The following SEL1L variants were observed in gnomAD, a reference collection of about 807,000 sequenced individuals.
SEL1L encodes SEL1L adaptor subunit of SYVN1 ubiquitin ligase.
SEL1L carries 52 observed loss-of-function variants against 109.8 expected under a neutral mutation model. The observed-to-expected ratio is 0.47, with a 90% CI of 0.38 to 0.60. SEL1L has a LOEUF of 0.60. SEL1L is among the 20% of genes least tolerant of loss of function. SEL1L has a pLI of 0.00. For synonymous variants in SEL1L, 373 were observed against 339.6 expected, an observed-to-expected ratio of 1.10 and a Z score of -1.08; for missense variants, 749 against 962.2, an observed-to-expected ratio of 0.78 and a Z score of 2.93.
At chr14:81,517,628 T>C (rs939074799) in intron 3 of SEL1L, among the ~76,000 whole-genome samples, 2 of 152,034 alleles carry the variant, frequency 1.3e-5, no homozygotes, top group African/African-American at 4.8e-5. Flanking sequence ...CTGAGTAAAC[T>C]GCAGTAGGGA....
rs367614165 is a variant in SEL1L at position 81,480,307 on chromosome 14, A to G, written c.2047-567T>C. ...AGGGTTCACGCCATTCTCCTGCCTC[A>G]GCTTCCCGAGTAGCTGGGACTACAG... On this transcript the variant is annotated intron_variant, in intron 19 of 20. Coordinates refer to ENST00000336735, the MANE Select transcript of SEL1L (RefSeq NM_005065.6). 4.0e-4 allele frequency among the ~76,000 whole-genome samples: 61 copies of G among 152,112 alleles called. 1 individual carries two copies. In the East Asian group the frequency reaches 7.2e-3, roughly 18 times the overall value.
intron 11 of SEL1L, among the ~76,000 whole-genome samples, chr14:81,494,664 T>C (rs1883671693): frequency 6.6e-6 from 1 of 152,212 alleles, no homozygotes; most frequent in East Asian, 1.9e-4. Context: ...AGGGTCAACT[T>C]AAATGTTTTC....
chr14:81,476,833 A>G lies in SEL1L; in HGVS notation c.*139T>C. Reference sequence around the variant, plus strand: ...AAAATAAAGGCATCAGATTCTAAGCAGCTTTAGGAATTCAATGCTTCCTTG... The same window carrying G: ...AAAATAAAGGCATCAGATTCTAAGCGGCTTTAGGAATTCAATGCTTCCTTG... On this transcript the variant is annotated 3_prime_UTR_variant, in exon 21 of 21. Transcript: ENST00000336735. 1.3e-6 allele frequency: 1 copy of G among 742,446 alleles called. No homozygotes were observed. The highest frequency in any genetic ancestry group is 2.1e-6 in the Non-Finnish European group (1 of 468,550). 46.0% of individuals were successfully genotyped at this position (742,446 alleles called of 1,614,324 possible).
chr14:81,485,163 G>A (rs906987364), intron 18 of SEL1L, among the ~76,000 whole-genome samples: 1 of 152,232 alleles, frequency 6.6e-6, no homozygotes, highest in African/African-American at 2.4e-5. Context: ...TGATGGAAAT[G>A]TGTAGTACAA....
At chr14:81,523,754 A>G (rs1486793910) in intron 3 of SEL1L, among the ~76,000 whole-genome samples, 1 of 152,186 alleles carries the variant, frequency 6.6e-6, no homozygotes, top group Non-Finnish European at 1.5e-5. Context: ...ATTGAATTAA[A>G]TCAGCAGACA....
chr14:81,516,082 C>T (rs916379214), intron 3 of SEL1L, among the ~76,000 whole-genome samples: 1 of 152,166 alleles, frequency 6.6e-6, no homozygotes, highest in African/African-American at 2.4e-5. Context: ...TCCACTATGC[C>T]GAGGCAATCA....
At chr14:81,504,431 A>G (rs925331781) in intron 4 of SEL1L, 125 bp from the exon 5 acceptor site, 1 of 572,452 alleles carries the variant, frequency 1.7e-6, no homozygotes, top group Non-Finnish European at 2.8e-6. Context: ...CCCAAACATG[A>G]TTCTAAAAAC....
chr14:81,502,964 C>T, intron 5 of SEL1L, 81 bp from the exon 6 acceptor site: 2 of 1,114,994 alleles, frequency 1.8e-6, no homozygotes, highest in South Asian at 3.4e-5. Context: ...TAAAACGCAA[C>T]ATAAATAATT....
intron 15 of SEL1L, 71 bp from the exon 16 acceptor site, chr14:81,487,609 T>G: frequency 6.5e-7 from 1 of 1,549,362 alleles, no homozygotes; most frequent in South Asian, 1.2e-5. Flanking sequence ...AAGGCTTATA[T>G]ATGAAGAATA....
At chr14:81,478,293 GTTC>G (rs1903232881) in intron 20 of SEL1L, among the ~76,000 whole-genome samples, 1 of 152,046 alleles carries the variant, frequency 6.6e-6, no homozygotes, top group Non-Finnish European at 1.5e-5. Context: ...GGAGATTTGT[GTTC>G]TTCTGTACTG....
intron 14 of SEL1L, chr14:81,488,996 A>G (rs556604132): frequency 1.2e-5 from 6 of 501,834 alleles, no homozygotes; most frequent in South Asian, 7.9e-5. Flanking sequence ...TGGGGTAGAG[A>G]GCAGAGATGG....
chr14:81,487,791 A>T (rs1022155310), intron 15 of SEL1L, 64 bp downstream of exon 15: 1 of 1,600,172 alleles, frequency 6.2e-7, no homozygotes, highest in African/African-American at 1.3e-5. Context: ...TCATAATGCC[A>T]TCTAGTAGAA....
intron 3 of SEL1L, 60 bp downstream of exon 3, chr14:81,526,673 G>C: frequency 1.6e-6 from 2 of 1,274,198 alleles, no homozygotes; most frequent in Non-Finnish European, 2.3e-6. Context: ...TTATTCATTA[G>C]CTTAAAATTT....
rs140534016 is a variant in SEL1L, at chr14:81,472,523, T to C, written c.*4449A>G. Reference sequence around the variant, plus strand: ...TTTCATTTCTCCTTTACTCAGAGCATATTTAGTCTAAATGTTACTGTGTGG... The same window carrying C: ...TTTCATTTCTCCTTTACTCAGAGCACATTTAGTCTAAATGTTACTGTGTGG... On this transcript the variant is annotated 3_prime_UTR_variant, in exon 21 of 21. Transcript: ENST00000336735. 6.5e-4 allele frequency: 268 copies of C among 411,348 alleles called. 2 individuals carry two copies. Among genetic ancestry groups the C allele is most frequent in the African/African-American group, 5.4e-3 (256 of 47,270 alleles). 25.5% of individuals were successfully genotyped at this position (411,348 alleles called of 1,614,324 possible). A position where few individuals can be genotyped will look rare whatever the true frequency, so the allele number is the denominator to read the frequency against.
chr14:81,480,189 T>C (rs1405216152), intron 19 of SEL1L, among the ~76,000 whole-genome samples: 1 of 152,028 alleles, frequency 6.6e-6, no homozygotes, highest in Non-Finnish European at 1.5e-5. Context: ...CGGTGGCTCA[T>C]TCTTTTTTAT....
intron 16 of SEL1L, 91 bp downstream of exon 16, chr14:81,487,299 G>C: frequency 7.8e-7 from 1 of 1,284,784 alleles, no homozygotes; most frequent in Non-Finnish European, 1.0e-6. Flanking sequence ...AACTACAGAA[G>C]AAAACATACA....
chr14:81,473,740 A>C lies in SEL1L; in HGVS notation c.*3232T>G, dbSNP rs188657990. On this transcript the variant is annotated 3_prime_UTR_variant, in exon 21 of 21. Coordinates refer to ENST00000336735, the MANE Select transcript of SEL1L (RefSeq NM_005065.6). Reference sequence around the variant, plus strand: ...CTGTAAAGGAAGTTTTTGCGTATGTAGTTAGACATTAATACACATGCTATA... The same window carrying C: ...CTGTAAAGGAAGTTTTTGCGTATGTCGTTAGACATTAATACACATGCTATA... The C allele has an allele frequency of 1.2e-3, 188 of 152,312 alleles. No homozygotes were observed. The highest frequency in any genetic ancestry group is 4.3e-3 in the African/African-American group (178 of 41,574). The allele number at this position is 152,312 out of a possible 1,614,324, so 9.4% of individuals were successfully genotyped here.
chr14:81,486,519 T>C, intron 16 of SEL1L, 65 bp from the exon 17 acceptor site: 1 of 1,526,450 alleles, frequency 6.6e-7, no homozygotes, highest in Non-Finnish European at 9.0e-7. Flanking sequence ...AGAAAATCAC[T>C]TATGCACTTT....
rs1903452865 is a variant in SEL1L, at chr14:81,484,324, A to T, written c.1947T>A (p.Thr649=). The change falls in exon 19 of 21, where the codon ACT becomes ACA. Residue 649 remains threonine (T), a synonymous_variant. Coordinates refer to ENST00000336735, the MANE Select transcript of SEL1L (RefSeq NM_005065.6). ...YGFGTDVDYE[T]AFIHYRLASE... The stretch of plus-strand genomic sequence containing the variant: ...AAGCCAGACGGTAATGAATAAATGC[A>T]GTTTCATAATCTACATCGGTGCCAA... 6.2e-7 allele frequency: 1 copy of T among 1,614,038 alleles called. No individual in the cohort carries two copies. The highest frequency in any genetic ancestry group is 8.5e-7 in the Non-Finnish European group (1 of 1,179,988).
Sources: gnomAD v4.1 joint callset for allele counts (sites outside exome capture counted in the v4.1 genomes callset) on GRCh38, gnomAD v4.1.1 for gene constraint, MANE v1.5 for transcripts, NCBI Gene and HGNC (gene_info 2026-07-23, HGNC 2026-07-21) for gene names.